The following LY96 variants were observed in gnomAD, a reference collection of about 807,000 sequenced individuals.
The protein encoded by LY96 is lymphocyte antigen 96.
A neutral mutation model predicts 18.9 loss-of-function variants in LY96; 18 were observed. That is an observed-to-expected ratio of 0.95 (90% CI 0.66 to 1.41). The LOEUF is 1.41. Among genes scored for constraint, LY96 ranks in the 40% most tolerant of loss-of-function variants. The probability of loss-of-function intolerance (pLI) is 0.00; values close to 1 mark genes in which losing one functional copy is unlikely to be tolerated. For synonymous variants in LY96, 66 were observed against 62.6 expected (o/e 1.06, Z -0.26); for missense variants, 175 against 182.4 (o/e 0.96, Z 0.23).
intron 1 of LY96, among the ~76,000 whole-genome samples, chr8:73,994,554 A>G (rs987807766): frequency 6.6e-6 from 1 of 152,100 alleles, no homozygotes; most frequent in African/African-American, 2.4e-5. Context: ...CGGTGGAATC[A>G]TGGCTCACTG....
the LY96 span, among the ~76,000 whole-genome samples, chr8:74,054,574 TCCCCCC>T: frequency 8.7e-6 from 1 of 115,396 alleles, no homozygotes; most frequent in African/African-American, 3.2e-5. Flanking sequence ...CTTCCCTCCC[TCCCCCC>T]TCCCTCCTTT....
At position 74,029,052 on chromosome 8, in the gene LY96, T is replaced by C. The variant is rs752506164; in HGVS notation, c.481T>C (p.Ter161GlnextTer6). 2 of 1,582,564 alleles carry C rather than the reference T, an allele frequency of 1.3e-6. No homozygotes were observed. Among genetic ancestry groups the C allele is most frequent in the African/African-American group, 2.7e-5 (2 of 74,314 alleles). The change falls in exon 5 of 5, where the codon TAG (stop) becomes CAG (glutamine). Residue 161 changes from the stop codon to glutamine, a stop_lost. Transcript: ENST00000284818. ...FVILHQPNSN[*>Q] Reference sequence around the variant, plus strand: ...CATCCTACACCAACCTAATTCAAATTAGAATAAATTGAGTATTTAAAAAAA... The same window carrying C: ...CATCCTACACCAACCTAATTCAAATCAGAATAAATTGAGTATTTAAAAAAA...
chr8:74,068,061 C>CAAA, the LY96 span, among the ~76,000 whole-genome samples: 28 of 36,190 alleles, frequency 7.7e-4, no homozygotes, highest in East Asian at 9.2e-4. Context: ...AACTCTGTCT[C>CAAA]AAAAAAAAAA....
chr8:73,997,781 G>T (rs1213336315), intron 1 of LY96, among the ~76,000 whole-genome samples: 1 of 152,124 alleles, frequency 6.6e-6, no homozygotes, highest in East Asian at 1.9e-4. Flanking sequence ...TATGTTTACT[G>T]GTTTATTATA....
the LY96 span, among the ~76,000 whole-genome samples, chr8:74,086,792 A>G: frequency 2.0e-5 from 3 of 152,250 alleles, no homozygotes; most frequent in African/African-American, 4.8e-5. Flanking sequence ...AAGAGGTGCC[A>G]GTGAGCTTCC....
chr8:74,070,230 T>C, the LY96 span, among the ~76,000 whole-genome samples: 1 of 152,102 alleles, frequency 6.6e-6, no homozygotes, highest in Non-Finnish European at 1.5e-5. Flanking sequence ...TAGCTGGGAC[T>C]ACAGGCGCCT....
the LY96 span, among the ~76,000 whole-genome samples, chr8:74,043,840 T>C: frequency 2.0e-5 from 3 of 152,240 alleles, no homozygotes; most frequent in Admixed American, 2.0e-4. Flanking sequence ...TAATATTGTT[T>C]TATTTTTATC....
At chr8:74,053,842 G>A in the LY96 span, among the ~76,000 whole-genome samples, 31 of 152,310 alleles carry the variant, frequency 2.0e-4, no homozygotes, top group Middle Eastern at 3.4e-3. Flanking sequence ...CCCCCATGGT[G>A]AGACTGGTGG....
At chr8:74,014,846 C>CAT (rs1491030647) in intron 3 of LY96, among the ~76,000 whole-genome samples, 1 of 150,400 alleles carries the variant, frequency 6.6e-6, no homozygotes, top group Non-Finnish European at 1.5e-5. Context: ...CACACACACA[C>CAT]ATATATCTGT....
At chr8:74,085,666 A>T in the LY96 span, among the ~76,000 whole-genome samples, 2 of 150,438 alleles carry the variant, frequency 1.3e-5, no homozygotes, top group Admixed American at 6.6e-5. Flanking sequence ...GCATGCCAAG[A>T]CTCCTTTCTA....
the LY96 span, among the ~76,000 whole-genome samples, chr8:74,068,908 C>T: frequency 1.3e-5 from 2 of 152,168 alleles, no homozygotes; most frequent in Non-Finnish European, 2.9e-5. Context: ...AATTCTCATG[C>T]CTCAGCCTCC....
At chr8:74,023,214 C>G (rs972043351) in intron 3 of LY96, among the ~76,000 whole-genome samples, 3 of 152,176 alleles carry the variant, frequency 2.0e-5, no homozygotes, top group Admixed American at 6.5e-5. Context: ...CTGCTACCCT[C>G]TGCTCCTGGT....
intron 3 of LY96, among the ~76,000 whole-genome samples, chr8:74,015,125 G>A (rs529866040): frequency 3.3e-5 from 5 of 152,118 alleles, no homozygotes; most frequent in Admixed American, 1.3e-4. Flanking sequence ...GAGGATCACT[G>A]GAGCTTGGGC....
At chr8:74,044,973 G>T in the LY96 span, among the ~76,000 whole-genome samples, 2 of 152,258 alleles carry the variant, frequency 1.3e-5, no homozygotes, top group Non-Finnish European at 2.9e-5. Flanking sequence ...CAACCTCTGT[G>T]GTTAAGCTGT....
chr8:74,083,487 T>C, the LY96 span, among the ~76,000 whole-genome samples: 1 of 152,214 alleles, frequency 6.6e-6, no homozygotes, highest in Non-Finnish European at 1.5e-5. Flanking sequence ...GTGCTGAGAT[T>C]ACAGGCATAA....
At chr8:74,014,904 A>G (rs1816612234) in intron 3 of LY96, among the ~76,000 whole-genome samples, 2 of 152,062 alleles carry the variant, frequency 1.3e-5, no homozygotes, top group South Asian at 4.2e-4. Flanking sequence ...ATTTCAAAGC[A>G]TCTTAAATTT....
At chr8:74,004,749 G>A (rs1172022178) in intron 1 of LY96, 47 bp from the exon 2 acceptor site, 3 of 1,476,030 alleles carry the variant, frequency 2.0e-6, no homozygotes, top group Non-Finnish European at 2.8e-6. Context: ...TATACTTAAT[G>A]GAGATGATTT....
At chr8:74,046,293 C>T in the LY96 span, among the ~76,000 whole-genome samples, 2 of 151,964 alleles carry the variant, frequency 1.3e-5, no homozygotes, top group African/African-American at 2.4e-5. Flanking sequence ...AAATAAGACA[C>T]CCAGAATAAC....
At chr8:74,052,675 A>T in the LY96 span, 2 of 152,250 alleles carry the variant, frequency 1.3e-5, no homozygotes, top group Admixed American at 1.3e-4. Flanking sequence ...ACATGCTTCT[A>T]GAAATGCACC....
Sources: gnomAD v4.1 joint callset for allele counts (sites outside exome capture counted in the v4.1 genomes callset) on GRCh38, gnomAD v4.1.1 for gene constraint, MANE v1.5 for transcripts, NCBI Gene and HGNC (gene_info 2026-07-23, HGNC 2026-07-21) for gene names.